MPIG6B: variants seen among roughly 807,000 people sequenced by gnomAD.
The protein encoded by MPIG6B is immunoglobulin receptor.
Under a neutral mutation model 24.2 loss-of-function variants are expected in MPIG6B, and 22 were observed. The observed-to-expected ratio is 0.91, with a 90% CI of 0.65 to 1.30. MPIG6B has a LOEUF of 1.30. MPIG6B is among the 50% of genes most tolerant of loss of function. The probability of loss-of-function intolerance (pLI) is 0.00; values close to 1 mark genes in which losing one functional copy is unlikely to be tolerated. For missense variants in MPIG6B, 301 were observed against 318.5 expected (o/e 0.94, Z 0.42); for synonymous variants, 136 against 142.0 (o/e 0.96, Z 0.30).
At chr6:31,722,845 CAAA>C (rs9281563), upstream of MPIG6B, among the ~76,000 whole-genome samples, 5 of 74,600 alleles carry the variant, frequency 6.7e-5, no homozygotes, top group Admixed American at 2.8e-4. Context: ...GACTCTGACT[CAAA>C]AAAAAAAAAA....
chr6:31,724,464 G>A, intron 3 of MPIG6B, 123 bp from the exon 4 acceptor site: 1 of 894,102 alleles, frequency 1.1e-6, no homozygotes, highest in South Asian at 1.4e-5. Context: ...TGTCGGTGGG[G>A]TAGAGTCTAA....
In MPIG6B at chr6:31,723,658, TG is replaced by T; in HGVS notation, c.85del (p.Asp29ThrfsTer3). On this transcript the variant is annotated frameshift_variant, in exon 2 of 6. Coordinates refer to ENST00000649779, the MANE Select transcript of MPIG6B (RefSeq NM_138272.3). LOFTEE classifies it high-confidence loss of function. The surrounding 1 kb of genome is among the most constrained non-coding windows in gnomAD (Gnocchi z 4.3). ...TCCTAGCTTCTCTGGACGGCCGCCCTGGGGACCGGGTGAATCTCTCCTGCGG... is the reference window on the plus strand; with the variant it reads ...TCCTAGCTTCTCTGGACGGCCGCCCTGGGACCGGGTGAATCTCTCCTGCGG... ...NPGASLDGRP[G>X]DRVNLSCGGV... The T allele has an allele frequency of 6.3e-7, 1 of 1,578,786 alleles. No homozygotes were observed. Among genetic ancestry groups the T allele is most frequent in the Non-Finnish European group, 8.6e-7 (1 of 1,162,894 alleles).
Position 31,724,719 on chromosome 6 carries a change from G to A in MPIG6B, c.542-46G>A, listed in dbSNP as rs1807180640. ...CTGAGCCCTTGCTGGGAGCAGACACGTTGGTCACCTTCTCTCCATCCTTCA... is the reference window on the plus strand; with the variant it reads ...CTGAGCCCTTGCTGGGAGCAGACACATTGGTCACCTTCTCTCCATCCTTCA... On this transcript the variant is annotated intron_variant, in intron 4 of 5. Transcript: ENST00000649779. 7 of 1,612,022 alleles carry A rather than the reference G, an allele frequency of 4.3e-6. 1 individual carries two copies. The highest frequency in any genetic ancestry group is 2.2e-5 in the South Asian group (2 of 91,018).
Position 31,723,627 on chromosome 6 carries a change from G to C in MPIG6B, c.62-12G>C. 6.5e-7 allele frequency: 1 copy of C among 1,547,310 alleles called. No homozygotes were observed. The highest frequency in any genetic ancestry group is 8.7e-7 in the Non-Finnish European group (1 of 1,149,068). On this transcript the variant is annotated splice_polypyrimidine_tract_variant and intron_variant, in intron 1 of 5. Coordinates refer to ENST00000649779, the MANE Select transcript of MPIG6B (RefSeq NM_138272.3). The surrounding 1 kb of genome is among the most constrained non-coding windows in gnomAD (Gnocchi z 4.3). ...TGGACGTGCCCTAACCACAGCCTCCGGCCTCTCCTAGCTTCTCTGGACGGC... is the reference window on the plus strand; with the variant it reads ...TGGACGTGCCCTAACCACAGCCTCCCGCCTCTCCTAGCTTCTCTGGACGGC...
chr6:31,724,751 T>TA lies in MPIG6B; in HGVS notation c.542-14_542-13insA. 1 of 1,612,974 alleles carries TA rather than the reference T, an allele frequency of 6.2e-7. No individual in the cohort carries two copies. Among genetic ancestry groups the TA allele is most frequent in the Non-Finnish European group, 8.5e-7 (1 of 1,179,670 alleles). On this transcript the variant is annotated splice_polypyrimidine_tract_variant and intron_variant, in intron 4 of 5. Coordinates refer to ENST00000649779, the MANE Select transcript of MPIG6B (RefSeq NM_138272.3). ...ACCTTCTCTCCATCCTTCAGCTCTG[T>TA]CCCCCCCACATAGCTCCACTTGTGA...
upstream of MPIG6B, chr6:31,723,237 G>A (rs1806941146): frequency 1.4e-6 from 1 of 708,436 alleles, no homozygotes; most frequent in Non-Finnish European, 2.5e-6. The surrounding 1 kb of genome is among the most constrained non-coding windows in gnomAD (Gnocchi z 4.3). Context: ...TTCCCAAAGG[G>A]ATCTGGGCAG....
In MPIG6B at chr6:31,724,755, C is replaced by G. The variant is rs1337628637; in HGVS notation, c.542-10C>G. 1.2e-6 allele frequency: 2 copies of G among 1,613,952 alleles called. No individual in the cohort carries two copies. The highest frequency in any genetic ancestry group is 1.7e-6 in the Non-Finnish European group (2 of 1,179,962). On this transcript the variant is annotated splice_polypyrimidine_tract_variant and intron_variant, in intron 4 of 5. Transcript: ENST00000649779. ...TCTCTCCATCCTTCAGCTCTGTCCC[C>G]CCCACATAGCTCCACTTGTGAAAAC... is the stretch of plus-strand genomic sequence containing the variant.
chr6:31,721,502 G>T, upstream of MPIG6B: 1 of 779,520 alleles, frequency 1.3e-6, no homozygotes, highest in Non-Finnish European at 2.1e-6. Context: ...TGGCACAGGA[G>T]AGCTGAGCCA....
Position 31,724,750 on chromosome 6 carries a change from G to A in MPIG6B, c.542-15G>A, listed in dbSNP as rs1807182453. ...CACCTTCTCTCCATCCTTCAGCTCT[G>A]TCCCCCCCACATAGCTCCACTTGTG... On this transcript the variant is annotated splice_polypyrimidine_tract_variant and intron_variant, in intron 4 of 5. Coordinates refer to ENST00000649779, the MANE Select transcript of MPIG6B (RefSeq NM_138272.3). 2 of 1,613,780 alleles carry A rather than the reference G, an allele frequency of 1.2e-6. No individual in the cohort carries two copies. The highest frequency in any genetic ancestry group is 1.7e-5 in the Admixed American group (1 of 59,970).
upstream of MPIG6B, among the ~76,000 whole-genome samples, chr6:31,722,845 CAAAAAAA>C (rs9281563): frequency 8.0e-5 from 6 of 74,616 alleles, no homozygotes; most frequent in Non-Finnish European, 1.7e-4. Flanking sequence ...GACTCTGACT[CAAAAAAA>C]AAAAAAAAAA....
At chr6:31,724,406 C>A (rs1187371152) in intron 3 of MPIG6B, 174 bp downstream of exon 3, 10 of 747,426 alleles carry the variant, frequency 1.3e-5, no homozygotes, top group Non-Finnish European at 2.3e-5. Context: ...AGAGCCCCAC[C>A]AGAGCAGATG....
chr6:31,724,937 G>T, intron 5 of MPIG6B, 33 bp from the exon 6 acceptor site: 1 of 1,611,702 alleles, frequency 6.2e-7, no homozygotes, highest in Non-Finnish European at 8.5e-7. Context: ...AGACTGTGGA[G>T]ACCATCTTGT....
intron 5 of MPIG6B, 54 bp downstream of exon 5, chr6:31,724,898 C>CA (rs28383872): frequency 0.099 from 120,020 of 1,212,126 alleles, 850 homozygotes; most frequent in Non-Finnish European, 0.11. Flanking sequence ...GAAAATGGAC[C>CA]AAAAAAAAAA....
upstream of MPIG6B, among the ~76,000 whole-genome samples, chr6:31,722,845 CAAAAA>C (rs9281563): frequency 1.3e-5 from 1 of 74,612 alleles, no homozygotes. Flanking sequence ...GACTCTGACT[CAAAAA>C]AAAAAAAAAA....
Position 31,723,851 on chromosome 6 carries a change from C to A in MPIG6B, c.274C>A (p.Arg92=), listed in dbSNP as rs1200864495. The change falls in exon 2 of 6, where the codon CGG becomes AGG. Residue 92 remains arginine, a synonymous_variant. Coordinates refer to ENST00000649779, the MANE Select transcript of MPIG6B (RefSeq NM_138272.3). The surrounding 1 kb of genome is among the most constrained non-coding windows in gnomAD (Gnocchi z 4.3). ...GRLRSLDSGI[R]RLELLLSAGD... ...CCTACGCTCCCTGGACTCTGGTATC[C>A]GGCGGCTGGAGCTCCTCTTGAGCGC... 3 of 1,610,394 alleles carry A rather than the reference C, an allele frequency of 1.9e-6. No individual in the cohort carries two copies. Among genetic ancestry groups the A allele is most frequent in the Non-Finnish European group, 2.5e-6 (3 of 1,178,582 alleles).
upstream of MPIG6B, chr6:31,722,986 T>G: frequency 1.0e-5 from 3 of 294,598 alleles, no homozygotes; most frequent in East Asian, 9.0e-5. Flanking sequence ...GTTTTTTTTG[T>G]TGTTGTTTTT....
At chr6:31,722,564 T>A (rs1806871468), upstream of MPIG6B, among the ~76,000 whole-genome samples, 1 of 151,988 alleles carries the variant, frequency 6.6e-6, no homozygotes, top group Admixed American at 6.5e-5. Context: ...AAAATAAGAA[T>A]AGAAATAGTA....
upstream of MPIG6B, chr6:31,721,485 G>A (rs559648748): frequency 1.2e-5 from 8 of 645,020 alleles, no homozygotes; most frequent in African/African-American, 1.3e-4. Flanking sequence ...GGGAAGCCTG[G>A]TCTTGGTGGC....
rs768661893 is a variant in MPIG6B, at chr6:31,726,074, G to A, written c.*1000G>A. ...TTAACATCACTGTCAAACCCACACT[G>A]TATTCCATGCCCAGCGCTGCCACGT... On this transcript the variant is annotated 3_prime_UTR_variant, in exon 6 of 6. Coordinates refer to ENST00000649779, the MANE Select transcript of MPIG6B (RefSeq NM_138272.3). The surrounding 1 kb of genome is among the most constrained non-coding windows in gnomAD (Gnocchi z 5.1). 6.6e-6 allele frequency: 1 copy of A among 152,538 alleles called. No homozygotes were observed. Among genetic ancestry groups the A allele is most frequent in the Non-Finnish European group, 1.5e-5 (1 of 68,070 alleles). 9.4% of individuals were successfully genotyped at this position (152,538 alleles called of 1,614,324 possible). A position where few individuals can be genotyped will look rare whatever the true frequency, so the allele number is the denominator to read the frequency against.
Sources: allele counts gnomAD v4.1 joint callset (sites outside exome capture counted in the v4.1 genomes callset), GRCh38; gene constraint gnomAD v4.1.1; non-coding constraint Gnocchi (gnomAD v3.1); transcripts MANE v1.5; gene names NCBI Gene and HGNC (gene_info 2026-07-23, HGNC 2026-07-21).